The following PALM2AKAP2 variants were observed in gnomAD, a reference collection of about 807,000 sequenced individuals.
PALM2AKAP2 encodes PALM2 and AKAP2 fusion.
A neutral mutation model predicts 71.5 loss-of-function variants in PALM2AKAP2; 37 were observed. That is an observed-to-expected ratio of 0.52 (90% CI 0.40 to 0.68). The LOEUF is 0.68. Ranked by LOEUF, PALM2AKAP2 falls within the 30% of genes least tolerant of loss-of-function variation. The probability of loss-of-function intolerance (pLI) is 0.00; values close to 1 mark genes in which losing one functional copy is unlikely to be tolerated. For synonymous variants in PALM2AKAP2, 468 were observed against 478.8 expected, an observed-to-expected ratio of 0.98 and a Z score of 0.29; for missense variants, 1,224 against 1,191.8, an observed-to-expected ratio of 1.03 and a Z score of -0.40.
chr9:109,962,499 C>A (rs1831868751), intron 6 of PALM2AKAP2, among the ~76,000 whole-genome samples: 1 of 152,074 alleles, frequency 6.6e-6, no homozygotes, highest in African/African-American at 2.4e-5. Context: ...GGCCCATAAA[C>A]CTAAAATATT....
chr9:109,670,011 A>G (rs552607504), intron 1 of PALM2AKAP2, among the ~76,000 whole-genome samples: 3 of 151,980 alleles, frequency 2.0e-5, no homozygotes, highest in African/African-American at 7.2e-5. Context: ...TTCCTTTTCT[A>G]ATATTAATAT....
Position 110,033,972 on chromosome 9 carries a change from G to C in PALM2AKAP2, c.582+17933G>C, listed in dbSNP as rs1048811402. Among the ~76,000 whole-genome samples the C allele has an allele frequency of 8.5e-5, 13 of 152,264 alleles. No homozygotes were observed. The South Asian group carries it at 1.7e-3, about 19-fold the overall frequency. On this transcript the variant is annotated intron_variant, in intron 7 of 9. Coordinates refer to the PALM2AKAP2 transcript ENST00000302798. Reference sequence around the variant, plus strand: ...CACTTGTTCTTATTTTAAAGACTAGGAATCTGAGGCACAGGGAGATAAAGT... The same window carrying C: ...CACTTGTTCTTATTTTAAAGACTAGCAATCTGAGGCACAGGGAGATAAAGT...
intron 6 of PALM2AKAP2, among the ~76,000 whole-genome samples, chr9:109,988,794 C>T (rs1286928116): frequency 2.0e-5 from 3 of 152,174 alleles, no homozygotes; most frequent in African/African-American, 4.8e-5. Flanking sequence ...CTACCCAAAT[C>T]GTATCTTTGA....
intron 6 of PALM2AKAP2, chr9:109,946,526 TA>T (rs112920625): frequency 1.7e-4 from 25 of 146,282 alleles, no homozygotes; most frequent in Admixed American, 2.7e-4. Context: ...CCATCTCTAC[TA>T]AAAAAAAAAT....
chr9:110,110,820 T>C (rs957617230), intron 1 of PALM2AKAP2, among the ~76,000 whole-genome samples: 5 of 152,060 alleles, frequency 3.3e-5, no homozygotes, highest in African/African-American at 1.2e-4. Context: ...GTGCTGGGAT[T>C]ACAGGCGTGA....
chr9:109,714,299 CT>C (rs1160505422), intron 1 of PALM2AKAP2, among the ~76,000 whole-genome samples: 1 of 152,186 alleles, frequency 6.6e-6, no homozygotes, highest in Non-Finnish European at 1.5e-5. Context: ...TGTCCCTCTA[CT>C]CCCTCCCTTT....
chr9:109,847,431 A>G lies in PALM2AKAP2; in HGVS notation c.46-20060A>G, dbSNP rs890909141. Among the ~76,000 whole-genome samples the G allele has an allele frequency of 6.6e-5, 10 of 152,268 alleles. No homozygotes were observed. The East Asian group carries it at 1.9e-3, about 29-fold the overall frequency. On this transcript the variant is annotated intron_variant, in intron 1 of 9. Coordinates refer to the PALM2AKAP2 transcript ENST00000302798. ...TGGCTTTGGACTTCTGGCCTCCAGA[A>G]CTGTGAGAGAATAAATATCTGTTGT... is the stretch of plus-strand genomic sequence containing the variant.
At chr9:110,000,167 C>T (rs1291528957) in intron 6 of PALM2AKAP2, among the ~76,000 whole-genome samples, 2 of 148,802 alleles carry the variant, frequency 1.3e-5, no homozygotes, top group African/African-American at 5.0e-5. Context: ...CCCCCTCCCC[C>T]CACCACACAA....
In PALM2AKAP2 at chr9:110,122,412, A is replaced by G. The variant is rs140979655; in HGVS notation, c.157-13715A>G. Among the ~76,000 whole-genome samples the G allele has an allele frequency of 2.4e-3, 358 of 152,306 alleles. 2 individuals carry two copies. The highest frequency in any genetic ancestry group is 8.2e-3 in the African/African-American group (340 of 41,572). On this transcript the variant is annotated intron_variant, in intron 1 of 3. Coordinates refer to ENST00000374525, the Ensembl canonical transcript of PALM2AKAP2. ...TCCTGAGCTGCCTGGTGCGGCTTCTATGAGCACTGCTGCATTTTGGGGATT... is the reference window on the plus strand; with the variant it reads ...TCCTGAGCTGCCTGGTGCGGCTTCTGTGAGCACTGCTGCATTTTGGGGATT...
At chr9:110,108,849 T>G (rs1423709388) in intron 1 of PALM2AKAP2, among the ~76,000 whole-genome samples, 1 of 152,182 alleles carries the variant, frequency 6.6e-6, no homozygotes, top group Non-Finnish European at 1.5e-5. Flanking sequence ...AAAAAAAATT[T>G]TTTTTTGGTA....
intron 1 of PALM2AKAP2, among the ~76,000 whole-genome samples, chr9:109,783,152 G>A (rs545346790): frequency 6.6e-6 from 1 of 152,244 alleles, no homozygotes; most frequent in East Asian, 1.9e-4. Context: ...GGGTTCATGA[G>A]TTCTACCTCC....
At chr9:109,762,925 T>C (rs1829080661) in intron 1 of PALM2AKAP2, among the ~76,000 whole-genome samples, 1 of 152,028 alleles carries the variant, frequency 6.6e-6, no homozygotes. Flanking sequence ...ATTAGGATTT[T>C]AGGGTCAGGA....
chr9:110,153,173 G>A (rs892581648), intron 2 of PALM2AKAP2, among the ~76,000 whole-genome samples: 5 of 152,234 alleles, frequency 3.3e-5, no homozygotes, highest in Non-Finnish European at 2.9e-5. Context: ...TGTCTTTGAT[G>A]TTAAATGGCT....
intron 7 of PALM2AKAP2, among the ~76,000 whole-genome samples, chr9:110,028,947 GA>G (rs58707028): frequency 0.12 from 13,139 of 113,854 alleles, 590 homozygotes; most frequent in Middle Eastern, 0.17. Flanking sequence ...GGTTCTTTTT[GA>G]AAAAAAAAAA....
chr9:109,653,206 T>G (rs1276362978), intron 1 of PALM2AKAP2, among the ~76,000 whole-genome samples: 1 of 152,176 alleles, frequency 6.6e-6, no homozygotes, highest in Non-Finnish European at 1.5e-5. Context: ...AGCTTTCAGA[T>G]GATGGTGCAA....
chr9:110,043,695 G>A (rs1420636090), intron 7 of PALM2AKAP2, among the ~76,000 whole-genome samples: 1 of 127,434 alleles, frequency 7.8e-6, no homozygotes, highest in Non-Finnish European at 1.7e-5. Flanking sequence ...TTATTTATCT[G>A]TAAACTACGT....
chr9:110,030,057 A>C (rs778485175), intron 7 of PALM2AKAP2, among the ~76,000 whole-genome samples: 10 of 152,202 alleles, frequency 6.6e-5, no homozygotes, highest in Non-Finnish European at 7.3e-5. Context: ...TTCGTTGAAA[A>C]ATCAATTGAC....
At chr9:110,138,569 A>G in intron 2 of PALM2AKAP2, 30 bp downstream of exon 8, 2 of 1,542,754 alleles carry the variant, frequency 1.3e-6, no homozygotes, top group Non-Finnish European at 1.7e-6. Flanking sequence ...TGAGAGACAG[A>G]TGCCACAGCA....
intron 1 of PALM2AKAP2, among the ~76,000 whole-genome samples, chr9:109,768,025 G>GAGA (rs1228678627): frequency 5.0e-4 from 53 of 105,334 alleles, no homozygotes; most frequent in East Asian, 2.1e-3. Context: ...AGAAAGGAAG[G>GAGA]AAGGAAAGAA....
Sources: gnomAD v4.1 joint callset for allele counts (sites outside exome capture counted in the v4.1 genomes callset) on GRCh38, gnomAD v4.1.1 for gene constraint, MANE v1.5 for transcripts, NCBI Gene and HGNC (gene_info 2026-07-23, HGNC 2026-07-21) for gene names.